Variants in CIT observed in about 807,000 individuals in gnomAD.
The protein encoded by CIT is citron rho-interacting serine/threonine kinase.
Under a neutral mutation model 272.7 loss-of-function variants are expected in CIT, and 79 were observed. That is an observed-to-expected ratio of 0.29 (90% CI 0.24 to 0.35). The LOEUF (loss-of-function observed/expected upper bound fraction) is 0.35. Ranked by LOEUF, CIT falls within the 10% of genes least tolerant of loss-of-function variation. The pLI is 1.00. For synonymous variants in CIT, 948 were observed against 995.6 expected (o/e 0.95, Z 0.90); for missense variants, 1,909 against 2,618.3 (o/e 0.73, Z 5.91).
At chr12:119,795,915 A>T (rs1724637903) in intron 10 of CIT, among the ~76,000 whole-genome samples, 1 of 152,272 alleles carries the variant, frequency 6.6e-6, no homozygotes, top group Non-Finnish European at 1.5e-5. Flanking sequence ...TTCCATTAGC[A>T]GTTGTCTACA....
chr12:119,812,654 G>C (rs1966860475), intron 9 of CIT, among the ~76,000 whole-genome samples: 1 of 151,588 alleles, frequency 6.6e-6, no homozygotes, highest in Non-Finnish European at 1.5e-5. Context: ...TTGCTATGTT[G>C]CCCAGGCTAG....
rs1299961492 is a variant in CIT at position 119,728,794 on chromosome 12, G to A, written c.3487-188C>T. Among the ~76,000 whole-genome samples the A allele has an allele frequency of 6.6e-6, 1 of 152,212 alleles. No homozygotes were observed. Among genetic ancestry groups the A allele is most frequent in the Non-Finnish European group, 1.5e-5 (1 of 68,034 alleles). ...AGTCTTCCATAGGTTATTATATGAG[G>A]ATGGAAATTATTTCTAAGGGATGGC... On this transcript the variant is annotated intron_variant, in intron 27 of 47. Coordinates refer to ENST00000392521, the MANE Select transcript of CIT (RefSeq NM_001206999.2). This position sits in a 1 kb window ranked among gnomAD's most constrained non-coding sequence, Gnocchi z 4.3.
intron 9 of CIT, among the ~76,000 whole-genome samples, chr12:119,819,846 A>C (rs1027333141): frequency 2.0e-4 from 31 of 152,260 alleles, no homozygotes; most frequent in African/African-American, 7.2e-5. Flanking sequence ...GAGTCAAGCA[A>C]TGTTTTCAAT....
chr12:119,726,385 A>ATTTTTTTTTTTTTTTTTTTTTTTT, intron 28 of CIT, among the ~76,000 whole-genome samples: 1 of 101,418 alleles, frequency 9.9e-6, no homozygotes, highest in South Asian at 3.2e-4. Flanking sequence ...CACTTGGCTA[A>ATTTTTTTTTTTTTTTTTTTTTTTT]TTTTTTTTTT....
chr12:119,699,728 G>A, intron 44 of CIT: 1 of 449,332 alleles, frequency 2.2e-6, no homozygotes, highest in South Asian at 1.6e-5. Context: ...CAGTGGCCCT[G>A]CTGATACCAC....
rs1957273758 is a variant in CIT, at chr12:119,713,372, G to A, written c.4488-78C>T. 6.3e-7 allele frequency: 1 copy of A among 1,575,462 alleles called. No homozygotes were observed. On this transcript the variant is annotated intron_variant, in intron 34 of 47. Coordinates refer to ENST00000392521, the MANE Select transcript of CIT (RefSeq NM_001206999.2). The surrounding 1 kb of genome is among the most constrained non-coding windows in gnomAD (Gnocchi z 5.2). ...GGCTGGAGGATAGGATGAGGGGGTG[G>A]CAGAGTTCCTAGAAAAGACACTTCC...
chr12:119,813,102 G>A (rs1760008741), intron 9 of CIT, among the ~76,000 whole-genome samples: 1 of 152,168 alleles, frequency 6.6e-6, no homozygotes, highest in Admixed American at 6.5e-5. Flanking sequence ...TTGGTAGGAT[G>A]GGCAAATTTA....
chr12:119,742,191 C>T (rs1357632677), intron 24 of CIT, among the ~76,000 whole-genome samples: 1 of 152,146 alleles, frequency 6.6e-6, no homozygotes, highest in African/African-American at 2.4e-5. Context: ...TCCTCTTCCC[C>T]AAAACATGAA....
At chr12:119,730,154 G>A (rs1593505465) in intron 27 of CIT, among the ~76,000 whole-genome samples, 1 of 152,012 alleles carries the variant, frequency 6.6e-6, no homozygotes, top group South Asian at 2.1e-4. Flanking sequence ...ACTTCCCAAA[G>A]ATGCACAGCA....
At chr12:119,815,849 G>A (rs1447143266) in intron 9 of CIT, among the ~76,000 whole-genome samples, 1 of 152,168 alleles carries the variant, frequency 6.6e-6, no homozygotes, top group East Asian at 1.9e-4. Context: ...GAGGGAGAGG[G>A]GTTGGGCGTG....
intron 24 of CIT, among the ~76,000 whole-genome samples, chr12:119,736,058 C>T (rs561672780): frequency 6.6e-6 from 1 of 152,298 alleles, no homozygotes; most frequent in East Asian, 1.9e-4. Context: ...TGCTAAATTA[C>T]TCTCCTGCTC....
intron 27 of CIT, among the ~76,000 whole-genome samples, chr12:119,729,421 T>A (rs138655351): frequency 1.3e-4 from 20 of 152,088 alleles, no homozygotes; most frequent in African/African-American, 4.6e-4. Flanking sequence ...GGTAAAATAC[T>A]GGAAGTTCAA....
At chr12:119,774,998 C>T (rs1176029692) in intron 16 of CIT, among the ~76,000 whole-genome samples, 2 of 141,800 alleles carry the variant, frequency 1.4e-5, no homozygotes, top group African/African-American at 2.7e-5. Context: ...GTTGGCCAGG[C>T]GCAGTGGCTC....
chr12:119,824,125 T>C (rs1185060387), intron 8 of CIT, among the ~76,000 whole-genome samples: 1 of 127,298 alleles, frequency 7.9e-6, no homozygotes, highest in African/African-American at 3.8e-5. Context: ...TATATATATA[T>C]ATATATATAT....
intron 9 of CIT, among the ~76,000 whole-genome samples, chr12:119,817,887 C>A (rs1481568596): frequency 1.3e-5 from 2 of 149,514 alleles, no homozygotes; most frequent in Non-Finnish European, 3.0e-5. Flanking sequence ...CCAGCCTGGG[C>A]AAAGATGGCA....
chr12:119,834,335 C>A, intron 5 of CIT, 107 bp from the exon 6 acceptor site: 1 of 1,069,120 alleles, frequency 9.4e-7, no homozygotes. Flanking sequence ...AAGGTCTCCA[C>A]AAAGCAAAGA....
chr12:119,854,735 G>A (rs1970471592), intron 4 of CIT, among the ~76,000 whole-genome samples: 1 of 151,828 alleles, frequency 6.6e-6, no homozygotes, highest in African/African-American at 2.4e-5. Context: ...CAGATCACAA[G>A]GTCAGGAGTT....
At chr12:119,765,437 T>G (rs949654313) in intron 19 of CIT, among the ~76,000 whole-genome samples, 2 of 143,100 alleles carry the variant, frequency 1.4e-5, no homozygotes, top group African/African-American at 5.3e-5. Flanking sequence ...CAGTAAATCT[T>G]AAGCAGAATA....
intron 5 of CIT, among the ~76,000 whole-genome samples, chr12:119,837,277 A>G (rs1231535158): frequency 1.3e-5 from 2 of 152,242 alleles, no homozygotes; most frequent in Non-Finnish European, 2.9e-5. Context: ...ACTGGGGTAT[A>G]GCTGCTCATT....
Sources: allele counts gnomAD v4.1 joint callset (sites outside exome capture counted in the v4.1 genomes callset), GRCh38; gene constraint gnomAD v4.1.1; non-coding constraint Gnocchi (gnomAD v3.1); transcripts MANE v1.5; gene names NCBI Gene and HGNC (gene_info 2026-07-23, HGNC 2026-07-21).